MUC3A: variants seen among roughly 807,000 people sequenced by gnomAD.
MUC3A encodes mucin-3A.
Under a neutral mutation model 109.0 loss-of-function variants are expected in MUC3A, and 109 were observed. That is an observed-to-expected ratio of 1.00 (90% CI 0.86 to 1.17). The LOEUF is 1.17. Ranked by LOEUF, MUC3A falls within the 50% of genes most tolerant of loss-of-function variation. The probability of loss-of-function intolerance (pLI) is 0.00; values close to 1 mark genes in which losing one functional copy is unlikely to be tolerated. For missense variants in MUC3A, 3,537 were observed against 2,469.4 expected (o/e 1.43, Z -9.16); for synonymous variants, 1,398 against 981.4 (o/e 1.42, Z -7.93).
In MUC3A at chr7:100,954,660, C is replaced by T. The variant is rs904003033; in HGVS notation, c.2881C>T (p.Pro961Ser). 5 of 400,034 alleles carry T rather than the reference C, an allele frequency of 1.2e-5. No individual in the cohort carries two copies. The highest frequency in any genetic ancestry group is 8.2e-5 in the African/African-American group (4 of 48,560). The allele number at this position is 400,034 out of a possible 1,614,324, so 24.8% of individuals were successfully genotyped here. The change falls in exon 2 of 12, where the codon CCA (proline) becomes TCA (serine). Residue 961 changes from proline (P) to serine (S), a missense_variant. Pro to Ser is a moderately conservative substitution (Grantham distance 74). Transcript: ENST00000379458. ...TSFTTSTMME[P>S]PSSTVSTTGR... is the part of the protein sequence containing the mutation. ...ATTTACCACATCCACAATGATGGAA[C>T]CACCTTCATCCACTGTATCAACTAC...
Position 100,960,142 on chromosome 7 carries a change from A to G in MUC3A, c.8363A>G (p.Glu2788Gly). 1 of 1,555,360 alleles carries G rather than the reference A, an allele frequency of 6.4e-7. No homozygotes were observed. The highest frequency in any genetic ancestry group is 8.6e-7 in the Non-Finnish European group (1 of 1,156,626). ...VPASPTDPCV[E>G]MDPSTEATSP... is the part of the protein sequence containing the mutation. The stretch of plus-strand genomic sequence containing the variant: ...GCCTCCCCCACTGATCCATGTGTTG[A>G]AATGGATCCCAGCACTGAAGCTACT... The change falls in exon 2 of 12, where the codon GAA becomes GGA. Residue 2788 changes from glutamate (E) to glycine (G), a missense_variant. Transcript: ENST00000379458.
chr7:100,952,241 C>T lies in MUC3A; in HGVS notation c.462C>T (p.Thr154=), dbSNP rs777787055. 2.0e-5 allele frequency: 32 copies of T among 1,598,118 alleles called. No individual in the cohort carries two copies. Among genetic ancestry groups the T allele is most frequent in the Non-Finnish European group, 1.8e-5 (21 of 1,179,574 alleles). ...TGACCACGACGCAGGTGGCCTTCAC[C>T]AGCTCTTACACCTCGACTCCCGTGA... is the stretch of plus-strand genomic sequence containing the variant. ...ICVTTTQVAF[T]SSYTSTPVTQ... is the part of the protein sequence containing the mutation. Residue 154 remains threonine (T), a synonymous_variant, in exon 2 of 12, where the codon ACC becomes ACT. Coordinates refer to ENST00000379458, the MANE Select transcript of MUC3A (RefSeq NM_005960.2).
At position 100,957,340 on chromosome 7, in the gene MUC3A, C is replaced by G; in HGVS notation, c.5561C>G (p.Thr1854Ser). The G allele has an allele frequency of 3.6e-6, 1 of 276,206 alleles. No homozygotes were observed. The highest frequency in any genetic ancestry group is 6.7e-6 in the Non-Finnish European group (1 of 150,196). The allele number at this position is 276,206 out of a possible 1,614,324, so 17.1% of individuals were successfully genotyped here. ...SLTSALTDSTTRTTYSTNMTG... is the reference protein window; with the variant it reads ...SLTSALTDSTSRTTYSTNMTG... ...ACTAGTGCTCTCACAGATTCCACGACCAGAACCACCTATTCCACCAATATG... is the reference window on the plus strand; with the variant it reads ...ACTAGTGCTCTCACAGATTCCACGAGCAGAACCACCTATTCCACCAATATG... Residue 1854 changes from threonine to serine, a missense_variant, in exon 2 of 12, where the codon ACC (threonine) becomes AGC (serine). Physicochemically the swap from Thr to Ser is moderately conservative, Grantham distance 58 (BLOSUM62 1). Coordinates refer to ENST00000379458, the MANE Select transcript of MUC3A (RefSeq NM_005960.2).
Position 100,959,751 on chromosome 7 carries a change from T to G in MUC3A, c.7972T>G (p.Phe2658Val), listed in dbSNP as rs367938546. 393 of 1,598,162 alleles carry G rather than the reference T, an allele frequency of 2.5e-4. No homozygotes were observed. In the African/African-American group the frequency reaches 4.9e-3, roughly 20 times the overall value. ...AACTTCACTCACATCTACAAGTGAG[T>G]TCACTACAGAATCTTTCACTAGGGG... ...LQTSLTSTSE[F>V]TTESFTRGST... Residue 2658 changes from phenylalanine (F) to valine (V), a missense_variant, in exon 2 of 12, where the codon TTC (phenylalanine) becomes GTC (valine). Phe to Val is a conservative substitution (Grantham distance 50, BLOSUM62 -1). Transcript: ENST00000379458.
intron 7 of MUC3A, 52 bp downstream of exon 7, chr7:100,965,399 A>G (rs1792497965): frequency 8.9e-6 from 14 of 1,572,854 alleles, no homozygotes; most frequent in Admixed American, 7.2e-5. Flanking sequence ...GATCCGGGCT[A>G]CCAGGGACAT....
intron 3 of MUC3A, among the ~76,000 whole-genome samples, chr7:100,962,663 CTCTTT>C (rs1333550477): frequency 1.1e-4 from 4 of 35,654 alleles, no homozygotes; most frequent in African/African-American, 8.2e-4. Context: ...TTGTCTCTTT[CTCTTT>C]TCTTTTTTTC....
At position 100,967,353 on chromosome 7, in the gene MUC3A, T is replaced by C. The variant is rs1792634842; in HGVS notation, c.*191T>C. On this transcript the variant is annotated 3_prime_UTR_variant, in exon 12 of 12. Transcript: ENST00000379458. ...GGCTGAAACCCACCTGGAGACGCAG[T>C]TCACGTCCAGGCTCTTCCACTGTGG... 2 of 873,986 alleles carry C rather than the reference T, an allele frequency of 2.3e-6. No individual in the cohort carries two copies. Among genetic ancestry groups the C allele is most frequent in the Non-Finnish European group, 3.5e-6 (2 of 577,306 alleles). The allele number at this position is 873,986 out of a possible 1,614,324, so 54.1% of individuals were successfully genotyped here.
In MUC3A at chr7:100,954,222, A is replaced by G. The variant is rs1035172566; in HGVS notation, c.2443A>G (p.Ser815Gly). Reference protein sequence around the residue: ...TSTSMISSTVSTGIPTSQPTT... With the variant: ...TSTSMISSTVGTGIPTSQPTT... ...TACATCCATGATCTCATCTACTGTG[A>G]GTACAGGTATCCCTACCTCACAACC... The change falls in exon 2 of 12, where the codon AGT (serine) becomes GGT (glycine). Residue 815 changes from serine to glycine, a missense_variant. Physicochemically the swap from Ser to Gly is moderately conservative, Grantham distance 56. Transcript: ENST00000379458. 4.1e-6 allele frequency: 2 copies of G among 484,944 alleles called. No individual in the cohort carries two copies. The highest frequency in any genetic ancestry group is 4.0e-5 in the African/African-American group (2 of 50,214). 30.0% of individuals were successfully genotyped at this position (484,944 alleles called of 1,614,324 possible). A position where few individuals can be genotyped will look rare whatever the true frequency, so the allele number is the denominator to read the frequency against.
intron 1 of MUC3A, among the ~76,000 whole-genome samples, chr7:100,951,297 C>T (rs1373738517): frequency 6.6e-6 from 1 of 152,302 alleles, no homozygotes; most frequent in Non-Finnish European, 1.5e-5. Flanking sequence ...GCCTGGCCCT[C>T]TTTGTTCAGC....
Position 100,964,748 on chromosome 7 carries a change from C to A in MUC3A, c.9287C>A (p.Pro3096His), listed in dbSNP as rs1171538084. The stretch of plus-strand genomic sequence containing the variant: ...GTCCTGCTGGAGATGCCCTTCAGCC[C>A]CCAGCTGGAGAGCGAGTATGAGCAG... The part of the protein sequence containing the change: ...YLVLLEMPFS[P>H]QLESEYEQVK... Residue 3096 changes from proline (P) to histidine (H), a missense_variant, in exon 6 of 12, where the codon CCC becomes CAC. Pro to His is a moderately conservative substitution (Grantham distance 77). Transcript: ENST00000379458. The A allele has an allele frequency of 5.0e-6, 8 of 1,598,384 alleles. No homozygotes were observed. Among genetic ancestry groups the A allele is most frequent in the Non-Finnish European group, 6.8e-6 (8 of 1,179,794 alleles).
At position 100,966,088 on chromosome 7, in the gene MUC3A, A is replaced by T. The variant is rs1792533315; in HGVS notation, c.9611+222A>T. 3 of 5,556 alleles carry T rather than the reference A, an allele frequency of 5.4e-4. No homozygotes were observed. The East Asian group carries it at 0.021, about 40-fold the overall frequency. 0.3% of individuals were successfully genotyped at this position (5,556 alleles called of 1,614,324 possible). A position where few individuals can be genotyped will look rare whatever the true frequency, so the allele number is the denominator to read the frequency against. On this transcript the variant is annotated intron_variant, in intron 8 of 11. Transcript: ENST00000379458. ...GTCCTGTCCCCTAATTCTGGGAGAG[A>T]ACCCCGCCCACTCATTCTAGGGTGG...
chr7:100,966,811 C>A, intron 10 of MUC3A, 68 bp downstream of exon 10: 8 of 1,598,272 alleles, frequency 5.0e-6, no homozygotes, highest in Non-Finnish European at 6.8e-6. Context: ...CAGACGCCCT[C>A]CCTGCCTTCC....
rs1792512930 is a variant in MUC3A, at chr7:100,965,785, C to G, written c.9530C>G (p.Thr3177Ser). ...LVEATRLRCVTKCTSGVDNAI... is the reference protein window; with the variant it reads ...LVEATRLRCVSKCTSGVDNAI... The stretch of plus-strand genomic sequence containing the variant: ...GAGGCCACCCGGCTCCGCTGTGTCA[C>G]CAAATGCACGTCGGGGGTGGACAAC... Residue 3177 changes from threonine to serine, a missense_variant, in exon 8 of 12, where the codon ACC becomes AGC. Thr to Ser is a moderately conservative substitution (Grantham distance 58). Transcript: ENST00000379458. 1.3e-6 allele frequency: 2 copies of G among 1,598,028 alleles called. No homozygotes were observed. The highest frequency in any genetic ancestry group is 1.7e-6 in the Non-Finnish European group (2 of 1,179,386).
chr7:100,963,554 G>A, intron 4 of MUC3A, 134 bp from the exon 5 acceptor site: 5 of 1,377,018 alleles, frequency 3.6e-6, no homozygotes, highest in Non-Finnish European at 5.0e-6. Flanking sequence ...CAAAGTGTTG[G>A]GATTACAGGC....
At chr7:100,966,167 G>A (rs1792540374) in intron 8 of MUC3A, 2 of 505,804 alleles carry the variant, frequency 4.0e-6, no homozygotes, top group Non-Finnish European at 6.1e-6. Context: ...CTAGGGTGGA[G>A]CCCTGCCCAC....
chr7:100,959,908 T>G lies in MUC3A; in HGVS notation c.8129T>G (p.Val2710Gly), dbSNP rs1326919897. 2 of 1,528,084 alleles carry G rather than the reference T, an allele frequency of 1.3e-6. No homozygotes were observed. Among genetic ancestry groups the G allele is most frequent in the African/African-American group, 2.8e-5 (2 of 72,668 alleles). 94.7% of individuals were successfully genotyped at this position (1,528,084 alleles called of 1,614,324 possible). A position where few individuals can be genotyped will look rare whatever the true frequency, so the allele number is the denominator to read the frequency against. ...GTGTTTTCCACTACCATTCATTCTG[T>G]TCCTTCTTCACCATACATTTTCAGT... ...TPVFSTTIHSVPSSPYIFSTE... is the reference protein window; with the variant it reads ...TPVFSTTIHSGPSSPYIFSTE... Residue 2710 changes from valine (V) to glycine (G), a missense_variant, in exon 2 of 12, where the codon GTT becomes GGT. Val to Gly is a moderately radical substitution (Grantham distance 109). Coordinates refer to ENST00000379458, the MANE Select transcript of MUC3A (RefSeq NM_005960.2).
In MUC3A at chr7:100,954,451, G is replaced by A. The variant is rs1380627515; in HGVS notation, c.2672G>A (p.Ser891Asn). ...TTPSGGPTFT[S>N]TENTPTRSLL... ...CCCAGTGGAGGACCAACTTTCACAAGTACTGAGAACACTCCAACAAGGTCC... is the reference window on the plus strand; with the variant it reads ...CCCAGTGGAGGACCAACTTTCACAAATACTGAGAACACTCCAACAAGGTCC... Residue 891 changes from serine (S) to asparagine (N), a missense_variant, in exon 2 of 12, where the codon AGT (serine) becomes AAT (asparagine). By Grantham distance (46) the Ser-to-Asn change is conservative. Transcript: ENST00000379458. The A allele has an allele frequency of 7.4e-6, 3 of 405,016 alleles. No homozygotes were observed. Among genetic ancestry groups the A allele is most frequent in the East Asian group, 3.6e-5 (1 of 28,124 alleles). 25.1% of individuals were successfully genotyped at this position (405,016 alleles called of 1,614,324 possible).
At chr7:100,962,401 G>A (rs1194994622) in intron 3 of MUC3A, among the ~76,000 whole-genome samples, 1 of 152,302 alleles carries the variant, frequency 6.6e-6, no homozygotes, top group African/African-American at 2.4e-5. Context: ...CTGGATGACA[G>A]AATGAGACCC....
At chr7:100,962,474 C>A (rs2116211619) in intron 3 of MUC3A, among the ~76,000 whole-genome samples, 1 of 152,428 alleles carries the variant, frequency 6.6e-6, no homozygotes, top group African/African-American at 2.4e-5. Flanking sequence ...ACCCTTGATC[C>A]TCCCTTGCCA....
Sources: allele counts gnomAD v4.1 joint callset (sites outside exome capture counted in the v4.1 genomes callset), GRCh38; gene constraint gnomAD v4.1.1; transcripts MANE v1.5; gene names NCBI Gene and HGNC (gene_info 2026-07-23, HGNC 2026-07-21).